The following SPECC1 variants were observed in gnomAD, a reference collection of about 807,000 sequenced individuals.
SPECC1 encodes the protein sperm antigen with calponin homology and coiled-coil domains 1, also known as cytospin-B.
A neutral mutation model predicts 104.1 loss-of-function variants in SPECC1; 62 were observed. The observed-to-expected ratio is 0.60, with a 90% CI of 0.49 to 0.74. SPECC1 has a LOEUF of 0.74. SPECC1 is among the 30% of genes least tolerant of loss of function. SPECC1 has a pLI of 0.00. For missense variants in SPECC1, 1,306 were observed against 1,310.5 expected (o/e 1.00, Z 0.05); for synonymous variants, 513 against 501.6 (o/e 1.02, Z -0.30).
At chr17:20,287,315 G>A (rs1366251901) in intron 12 of SPECC1, among the ~76,000 whole-genome samples, 4 of 151,696 alleles carry the variant, frequency 2.6e-5, no homozygotes, top group Non-Finnish European at 5.9e-5. Context: ...TACTCGGGAG[G>A]CTGAGGCAGG....
At chr17:20,135,959 C>T (rs1001774060) in intron 3 of SPECC1, among the ~76,000 whole-genome samples, 1 of 152,214 alleles carries the variant, frequency 6.6e-6, no homozygotes, top group African/African-American at 2.4e-5. Context: ...CTACCAACTA[C>T]AACCATTCCT....
At chr17:20,124,967 T>C (rs537662471) in intron 3 of SPECC1, among the ~76,000 whole-genome samples, 7 of 151,792 alleles carry the variant, frequency 4.6e-5, no homozygotes, top group Non-Finnish European at 1.0e-4. Flanking sequence ...GATCACGAGG[T>C]CAGGAGATGG....
intron 1 of SPECC1, among the ~76,000 whole-genome samples, chr17:20,088,444 G>T (rs890590579): frequency 6.6e-6 from 1 of 152,158 alleles, no homozygotes; most frequent in African/African-American, 2.4e-5. Context: ...GGCAGGGCTG[G>T]CCCAAGGGGT....
intron 4 of SPECC1, among the ~76,000 whole-genome samples, chr17:20,219,970 G>A (rs1311425199): frequency 3.9e-5 from 6 of 152,094 alleles, no homozygotes; most frequent in Admixed American, 6.5e-5. Flanking sequence ...CACCTTTGTC[G>A]AAAATGAGTT....
chr17:20,203,592 A>G (rs1285176743), intron 3 of SPECC1, among the ~76,000 whole-genome samples: 1 of 152,230 alleles, frequency 6.6e-6, no homozygotes, highest in Non-Finnish European at 1.5e-5. Context: ...ATGTCATTGT[A>G]TCAGATCCAT....
chr17:20,235,737 A>G (rs1439650790), intron 7 of SPECC1, among the ~76,000 whole-genome samples: 2 of 152,362 alleles, frequency 1.3e-5, no homozygotes, highest in East Asian at 1.9e-4. Context: ...ATAAACATCC[A>G]TGGAAAACGT....
At chr17:20,155,895 A>G (rs2032431110) in intron 3 of SPECC1, 9 of 1,171,182 alleles carry the variant, frequency 7.7e-6, no homozygotes, top group Non-Finnish European at 9.6e-6. Context: ...GACAGTATGC[A>G]GATGACGGGG....
intron 7 of SPECC1, chr17:20,239,310 C>G: frequency 9.9e-7 from 1 of 1,009,600 alleles, no homozygotes; most frequent in Non-Finnish European, 1.2e-6. Context: ...TCTTTCTTCT[C>G]CCTCAGTACC....
At chr17:20,026,855 T>G (rs571544346) in intron 1 of SPECC1, among the ~76,000 whole-genome samples, 1 of 152,292 alleles carries the variant, frequency 6.6e-6, no homozygotes, top group African/African-American at 2.4e-5. Context: ...TTGAAAAACC[T>G]CAGTATTATT....
At chr17:20,148,739 GAC>G (rs2031705633) in intron 3 of SPECC1, among the ~76,000 whole-genome samples, 1 of 150,412 alleles carries the variant, frequency 6.6e-6, no homozygotes, top group African/African-American at 2.4e-5. Context: ...TTTTTTTTGA[GAC>G]AGAGTTTTGC....
At chr17:20,161,185 TG>T (rs1317233996) in intron 3 of SPECC1, among the ~76,000 whole-genome samples, 1 of 152,200 alleles carries the variant, frequency 6.6e-6, no homozygotes, top group Admixed American at 6.5e-5. Flanking sequence ...CATTCCAACC[TG>T]GGTGACAGAG....
At chr17:20,118,705 TC>T (rs2048883039) in intron 3 of SPECC1, among the ~76,000 whole-genome samples, 1 of 152,254 alleles carries the variant, frequency 6.6e-6, no homozygotes, top group Non-Finnish European at 1.5e-5. Context: ...GAAAATTTTT[TC>T]ATTTTAGATT....
chr17:20,094,666 A>G (rs1179301614), intron 1 of SPECC1, among the ~76,000 whole-genome samples: 2 of 99,868 alleles, frequency 2.0e-5, no homozygotes, highest in Non-Finnish European at 4.0e-5. Flanking sequence ...GCCCTGTAAT[A>G]TCCAGTCCTT....
At chr17:20,182,841 G>A (rs560626108) in intron 3 of SPECC1, among the ~76,000 whole-genome samples, 12 of 152,242 alleles carry the variant, frequency 7.9e-5, no homozygotes, top group South Asian at 2.1e-4. Flanking sequence ...TGCTTCATCC[G>A]CTTGGCCAGA....
chr17:20,238,906 G>A (rs1223625727), intron 7 of SPECC1: 1 of 1,042,414 alleles, frequency 9.6e-7, no homozygotes, highest in African/African-American at 1.7e-5. Flanking sequence ...CTGCTGCTTA[G>A]TTTTAATCAC....
chr17:20,141,611 T>C (rs1293774095), intron 3 of SPECC1, among the ~76,000 whole-genome samples: 1 of 152,202 alleles, frequency 6.6e-6, no homozygotes, highest in East Asian at 1.9e-4. Flanking sequence ...ATCCAGTGAA[T>C]TTTAGTGAAT....
chr17:20,237,192 T>G (rs918776059), intron 7 of SPECC1: 2 of 1,296,872 alleles, frequency 1.5e-6, no homozygotes, highest in African/African-American at 1.5e-5. Flanking sequence ...ACAAGTCTTA[T>G]GAAAAGTTAT....
chr17:20,239,860 T>C (rs2039111249), intron 7 of SPECC1, among the ~76,000 whole-genome samples: 1 of 147,722 alleles, frequency 6.8e-6, no homozygotes, highest in South Asian at 2.1e-4. Context: ...ATTAGCACTT[T>C]AATTTGCATT....
intron 1 of SPECC1, among the ~76,000 whole-genome samples, chr17:20,062,832 G>A (rs937716137): frequency 6.6e-6 from 1 of 151,990 alleles, no homozygotes; most frequent in Non-Finnish European, 1.5e-5. Flanking sequence ...AGGATTACAG[G>A]TGCACGCTAC....
Sources: gnomAD v4.1 joint callset for allele counts (sites outside exome capture counted in the v4.1 genomes callset) on GRCh38, gnomAD v4.1.1 for gene constraint, MANE v1.5 for transcripts, NCBI Gene and HGNC (gene_info 2026-07-23, HGNC 2026-07-21) for gene names.